Variants in CNTN5 observed in about 807,000 individuals in gnomAD.
The protein encoded by CNTN5 is contactin 5, also known as contactin-5.
In CNTN5, 77 loss-of-function variants were observed where a neutral mutation model predicts 129.1. That is an observed-to-expected ratio of 0.60 (90% CI 0.50 to 0.72). CNTN5 has a LOEUF of 0.72. Ranked by LOEUF, CNTN5 falls within the 30% of genes least tolerant of loss-of-function variation. CNTN5 has a pLI of 0.00. For missense variants in CNTN5, 1,478 were observed against 1,328.8 expected (o/e 1.11, Z -1.75); for synonymous variants, 509 against 465.6 (o/e 1.09, Z -1.20).
At position 99,342,603 on chromosome 11, in the gene CNTN5, G is replaced by A. The variant is rs202041491; in HGVS notation, c.-71+17119G>A. Among the ~76,000 whole-genome samples the A allele has an allele frequency of 3.7e-3, 143 of 38,806 alleles. 1 individual carries two copies. The highest frequency in any genetic ancestry group is 8.0e-3 in the East Asian group (9 of 1,128). 25.5% of individuals were successfully genotyped at this position (38,806 alleles called of 152,430 possible). A position where few individuals can be genotyped will look rare whatever the true frequency, so the allele number is the denominator to read the frequency against. On this transcript the variant is annotated intron_variant, in intron 2 of 24. Coordinates refer to ENST00000524871, the MANE Select transcript of CNTN5 (RefSeq NM_014361.4). ...AAAAAAAAAAAAAAAAAAAAAAAAAGCAGGGCGTGGTGACACGTGCCTGTG... is the reference window on the plus strand; with the variant it reads ...AAAAAAAAAAAAAAAAAAAAAAAAAACAGGGCGTGGTGACACGTGCCTGTG...
chr11:100,039,552 C>A (rs1032538988), intron 9 of CNTN5, among the ~76,000 whole-genome samples: 16 of 152,280 alleles, frequency 1.1e-4, no homozygotes, highest in Non-Finnish European at 1.6e-4. Flanking sequence ...TGGGTAGTAT[C>A]CTGCAGAGTG....
At chr11:100,207,692 T>G (rs1394898840) in intron 15 of CNTN5, among the ~76,000 whole-genome samples, 2 of 152,164 alleles carry the variant, frequency 1.3e-5, no homozygotes, top group African/African-American at 2.4e-5. Context: ...TATTTATCAT[T>G]TGCAAGAAAA....
At chr11:99,417,246 A>G (rs1414569191) in intron 2 of CNTN5, among the ~76,000 whole-genome samples, 1 of 152,182 alleles carries the variant, frequency 6.6e-6, no homozygotes, top group Non-Finnish European at 1.5e-5. Context: ...TTGGTCCAAT[A>G]TTAGTGTGAT....
intron 1 of CNTN5, among the ~76,000 whole-genome samples, chr11:99,264,554 T>C (rs1862797101): frequency 6.6e-6 from 1 of 152,030 alleles, no homozygotes. Flanking sequence ...AAGACACACT[T>C]GGCTTACTCC....
intron 3 of CNTN5, among the ~76,000 whole-genome samples, chr11:99,741,283 A>G (rs1943881074): frequency 6.6e-6 from 1 of 152,158 alleles, no homozygotes; most frequent in Admixed American, 6.6e-5. Context: ...ATTGAATGGT[A>G]ATGTTTCTTT....
rs1378317088 is a variant in CNTN5, at chr11:99,982,371, AAT to A, written c.878-19660_878-19659del. On this transcript the variant is annotated intron_variant, in intron 8 of 24. Transcript: ENST00000524871. ...ATAAAAATGCTATTTTAGAAAGATAAATATGAAGTCAAAGTATAGAATGGATT... is the reference window on the plus strand; with the variant it reads ...ATAAAAATGCTATTTTAGAAAGATAAATGAAGTCAAAGTATAGAATGGATT... 2.0e-5 allele frequency among the ~76,000 whole-genome samples: 3 copies of A among 152,206 alleles called. No homozygotes were observed. The East Asian group carries it at 5.8e-4, about 29-fold the overall frequency.
At chr11:99,532,337 G>A (rs1352709082) in intron 2 of CNTN5, among the ~76,000 whole-genome samples, 1 of 152,138 alleles carries the variant, frequency 6.6e-6, no homozygotes, top group African/African-American at 2.4e-5. Flanking sequence ...TTTCTAGGAA[G>A]TAACTAACTT....
intron 3 of CNTN5, among the ~76,000 whole-genome samples, chr11:99,710,025 T>G (rs981033568): frequency 7.2e-5 from 11 of 151,892 alleles, no homozygotes; most frequent in African/African-American, 2.7e-4. Flanking sequence ...CAGAAATGTT[T>G]CCTGCCATAT....
intron 13 of CNTN5, among the ~76,000 whole-genome samples, chr11:100,114,254 GT>G (rs1266287022): frequency 6.6e-6 from 1 of 151,958 alleles, no homozygotes; most frequent in Admixed American, 6.6e-5. Flanking sequence ...TTTTCTTAAG[GT>G]TGTTTCTGTG....
intron 3 of CNTN5, among the ~76,000 whole-genome samples, chr11:99,698,697 A>T (rs1954380771): frequency 6.6e-6 from 1 of 151,538 alleles, no homozygotes. Flanking sequence ...GTTTTAATTT[A>T]TACAGAAGTG....
intron 9 of CNTN5, among the ~76,000 whole-genome samples, chr11:100,026,560 T>C (rs904632790): frequency 2.6e-5 from 4 of 152,224 alleles, no homozygotes; most frequent in Non-Finnish European, 4.4e-5. Context: ...GTTGTCCATG[T>C]TCTGAATTTT....
chr11:100,117,979 TG>T (rs1945893636), intron 13 of CNTN5, among the ~76,000 whole-genome samples: 1 of 151,754 alleles, frequency 6.6e-6, no homozygotes, highest in Admixed American at 6.6e-5. Context: ...ATTCCTGTCG[TG>T]AATTCAACAC....
At chr11:100,257,605 T>A (rs934091195) in intron 17 of CNTN5, among the ~76,000 whole-genome samples, 1 of 152,110 alleles carries the variant, frequency 6.6e-6, no homozygotes, top group African/African-American at 2.4e-5. Flanking sequence ...GGCAGCAATC[T>A]TTGCTGTCCT....
chr11:99,307,517 T>G (rs1489428965), intron 1 of CNTN5, among the ~76,000 whole-genome samples: 1 of 152,176 alleles, frequency 6.6e-6, no homozygotes, highest in Non-Finnish European at 1.5e-5. Context: ...AATTATATTA[T>G]ACTTCTGTCG....
intron 3 of CNTN5, among the ~76,000 whole-genome samples, chr11:99,737,624 C>A (rs1312983015): frequency 1.3e-5 from 2 of 152,128 alleles, no homozygotes; most frequent in East Asian, 3.8e-4. Context: ...TCTTTGGATT[C>A]TTTCCAAATA....
chr11:99,848,554 T>G (rs1190046381), intron 6 of CNTN5, among the ~76,000 whole-genome samples: 2 of 152,136 alleles, frequency 1.3e-5, no homozygotes, highest in African/African-American at 4.8e-5. Context: ...AGTCTTAAAT[T>G]TATTAAATGT....
chr11:99,682,565 T>G (rs2134724302), intron 3 of CNTN5, among the ~76,000 whole-genome samples: 1 of 152,062 alleles, frequency 6.6e-6, no homozygotes, highest in South Asian at 2.1e-4. Context: ...GTAAACAAAA[T>G]ATAATTCAAA....
chr11:99,337,925 A>G (rs1444503839), intron 2 of CNTN5, among the ~76,000 whole-genome samples: 1 of 152,200 alleles, frequency 6.6e-6, no homozygotes, highest in East Asian at 1.9e-4. Context: ...TACTATTGAA[A>G]TGACTACTAT....
In CNTN5 at chr11:99,625,076, A is replaced by G. The variant is rs1951081614; in HGVS notation, c.55+68807A>G. Reference sequence around the variant, plus strand: ...TGTTGGACACATGGCAGAAGAGTAAATAATTGTTCCAGAATTAATGAAAGA... The same window carrying G: ...TGTTGGACACATGGCAGAAGAGTAAGTAATTGTTCCAGAATTAATGAAAGA... On this transcript the variant is annotated intron_variant, in intron 3 of 24. Transcript: ENST00000524871. Among the ~76,000 whole-genome samples, 3 of 152,180 alleles carry G rather than the reference A, an allele frequency of 2.0e-5. No homozygotes were observed. The South Asian group carries it at 6.2e-4, about 32-fold the overall frequency.
Sources: gnomAD v4.1 joint callset for allele counts (sites outside exome capture counted in the v4.1 genomes callset) on GRCh38, gnomAD v4.1.1 for gene constraint, MANE v1.5 for transcripts, NCBI Gene and HGNC (gene_info 2026-07-23, HGNC 2026-07-21) for gene names.